PRRC2B: variants seen among roughly 807,000 people sequenced by gnomAD.
The protein encoded by PRRC2B is proline rich coiled-coil 2B.
PRRC2B carries 68 observed loss-of-function variants against 242.3 expected under a neutral mutation model. The observed-to-expected ratio is 0.28, with a 90% CI of 0.23 to 0.34. PRRC2B has a LOEUF of 0.34. PRRC2B is among the 10% of genes least tolerant of loss of function. The pLI is 1.00. For synonymous variants in PRRC2B, 1,228 were observed against 1,173.6 expected (o/e 1.05, Z -0.95); for missense variants, 2,835 against 2,954.8 (o/e 0.96, Z 0.94).
Position 131,427,345 on chromosome 9 carries a change from T to TGTG in PRRC2B, c.-51-2749_-51-2748insGTG, listed in dbSNP as rs58302071. 3.1e-3 allele frequency among the ~76,000 whole-genome samples: 477 copies of TGTG among 151,448 alleles called. 1 individual carries two copies. Among genetic ancestry groups the TGTG allele is most frequent in the African/African-American group, 9.8e-3 (405 of 41,368 alleles). ...AATATAGTTGTGTGTGTGTGTGTGT[T>TGTG]TTTTTGATGGAGTCTTGCTCTGTTG... On this transcript the variant is annotated intron_variant, in intron 1 of 31. Coordinates refer to ENST00000683519, the MANE Select transcript of PRRC2B (RefSeq NM_013318.4).
chr9:131,410,311 G>C (rs369539047), intron 1 of PRRC2B, among the ~76,000 whole-genome samples: 3 of 152,212 alleles, frequency 2.0e-5, no homozygotes, highest in African/African-American at 7.2e-5. Flanking sequence ...GACTCTGGGG[G>C]TGTGGGATGC....
intron 10 of PRRC2B, among the ~76,000 whole-genome samples, chr9:131,457,826 C>G (rs1463267125): frequency 6.6e-6 from 1 of 152,102 alleles, no homozygotes; most frequent in South Asian, 2.1e-4. Context: ...TAGGAATCAC[C>G]GTTGTCCCCT....
chr9:131,486,312 A>C (rs954246323), intron 26 of PRRC2B, 130 bp downstream of exon 26: 7 of 836,534 alleles, frequency 8.4e-6, no homozygotes. Context: ...GGTGACCAGC[A>C]CCTGGCCCGC....
Position 131,495,892 on chromosome 9 carries a change from C to G in PRRC2B, c.*18C>G. ...AGGCCTGACAGTGCCTGGCTGCCAC[C>G]TCGCCTCTCCCTACTGAGGACGGTG... is the stretch of plus-strand genomic sequence containing the variant. On this transcript the variant is annotated 3_prime_UTR_variant, in exon 32 of 32. Transcript: ENST00000683519. The G allele has an allele frequency of 6.3e-7, 1 of 1,597,064 alleles. No homozygotes were observed. Among genetic ancestry groups the G allele is most frequent in the Non-Finnish European group, 8.6e-7 (1 of 1,167,296 alleles).
intron 16 of PRRC2B, 32 bp downstream of exon 16, chr9:131,476,567 TTGTTG>T (rs1943706451): frequency 6.5e-7 from 1 of 1,544,244 alleles, no homozygotes; most frequent in Non-Finnish European, 8.7e-7. Flanking sequence ...GCCCTTTTTG[TTGTTG>T]TGTTCTGTTC....
rs528406770 is a variant in PRRC2B, at chr9:131,430,347, A to T, written c.115+88A>T. On this transcript the variant is annotated intron_variant, in intron 2 of 31. Transcript: ENST00000683519. ...CAGAGTCCCTCACCTGGTTAGACAG[A>T]TGTGGTCCGTGCACACCAGGCTTCT... 5 of 775,082 alleles carry T rather than the reference A, an allele frequency of 6.5e-6. No individual in the cohort carries two copies. In the African/African-American group the frequency reaches 6.9e-5, roughly 11 times the overall value. The allele number at this position is 775,082 out of a possible 1,614,324, so 48.0% of individuals were successfully genotyped here. A position where few individuals can be genotyped will look rare whatever the true frequency, so the allele number is the denominator to read the frequency against.
chr9:131,467,526 G>A, intron 12 of PRRC2B, 37 bp from the exon 13 acceptor site: 1 of 1,516,104 alleles, frequency 6.6e-7, no homozygotes, highest in South Asian at 1.2e-5. Flanking sequence ...GCTTCTGTGA[G>A]CTCACTGTGT....
At chr9:131,489,291 A>G (rs1021040085) in intron 28 of PRRC2B, among the ~76,000 whole-genome samples, 3 of 151,502 alleles carry the variant, frequency 2.0e-5, no homozygotes, top group Non-Finnish European at 2.9e-5. Context: ...GGTTCAAGCA[A>G]TTATCGTGCC....
At chr9:131,481,844 A>G in intron 20 of PRRC2B, 36 bp downstream of exon 20, 1 of 1,522,134 alleles carries the variant, frequency 6.6e-7, no homozygotes, top group Non-Finnish European at 8.9e-7. Context: ...TGCCCCTGGG[A>G]TGAGTGTGTG....
In PRRC2B at chr9:131,464,974, C is replaced by T; in HGVS notation, c.1616C>T (p.Ala539Val). The change falls in exon 12 of 32, where the codon GCA (alanine) becomes GTA (valine). Residue 539 changes from alanine (A) to valine (V), a missense_variant. By Grantham distance (64) the Ala-to-Val change is moderately conservative. Transcript: ENST00000683519. ...CAGCTGGACCAGAAGTGTAAGCAGG[C>T]ACGAAAGGCAGGTGAGGCCCGGAAG... ...LKQLDQKCKQARKAGEARKQA... is the reference protein window; with the variant it reads ...LKQLDQKCKQVRKAGEARKQA... The T allele has an allele frequency of 6.2e-7, 1 of 1,613,942 alleles. No homozygotes were observed. Among genetic ancestry groups the T allele is most frequent in the Non-Finnish European group, 8.5e-7 (1 of 1,179,884 alleles).
intron 2 of PRRC2B, among the ~76,000 whole-genome samples, chr9:131,432,400 C>T (rs1423248466): frequency 3.9e-5 from 6 of 152,198 alleles, no homozygotes; most frequent in African/African-American, 1.4e-4. Context: ...CAGGTTTTAG[C>T]AGCTCCTTTG....
chr9:131,432,685 A>C lies in PRRC2B; in HGVS notation c.184A>C (p.Asn62His), dbSNP rs749888982. ...AAARRMPPPA[N>H]LPSLKSENKG... is the part of the protein sequence containing the mutation. ...AGCCCGGCGCATGCCACCGCCTGCAAACCTGCCAAGCTTGAAGTCTGAAAA... is the reference window on the plus strand; with the variant it reads ...AGCCCGGCGCATGCCACCGCCTGCACACCTGCCAAGCTTGAAGTCTGAAAA... The change falls in exon 3 of 32, where the codon AAC (asparagine) becomes CAC (histidine). Residue 62 changes from asparagine to histidine, a missense_variant. Physicochemically the swap from Asn to His is moderately conservative, Grantham distance 68. Coordinates refer to ENST00000683519, the MANE Select transcript of PRRC2B (RefSeq NM_013318.4). 1 of 1,614,060 alleles carries C rather than the reference A, an allele frequency of 6.2e-7. No homozygotes were observed. Among genetic ancestry groups the C allele is most frequent in the East Asian group, 2.2e-5 (1 of 44,888 alleles).
At chr9:131,391,627 T>A (rs1170457435), upstream of PRRC2B, among the ~76,000 whole-genome samples, 1 of 152,194 alleles carries the variant, frequency 6.6e-6, no homozygotes, top group African/African-American at 2.4e-5. Flanking sequence ...CACACTAGTG[T>A]CTGTTTTATG....
chr9:131,401,179 TGTG>T (rs1180034886), intron 1 of PRRC2B, among the ~76,000 whole-genome samples: 1 of 152,120 alleles, frequency 6.6e-6, no homozygotes, highest in African/African-American at 2.4e-5. Context: ...TTTTAAAAAT[TGTG>T]GTGAAGTATA....
In PRRC2B at chr9:131,477,794, G is replaced by A. The variant is rs1588275758; in HGVS notation, c.4457G>A (p.Ser1486Asn). 1.2e-6 allele frequency: 2 copies of A among 1,611,560 alleles called. No homozygotes were observed. Among genetic ancestry groups the A allele is most frequent in the Non-Finnish European group, 1.7e-6 (2 of 1,179,150 alleles). Residue 1486 changes from serine to asparagine, a missense_variant, in exon 17 of 32, where the codon AGT becomes AAT. Transcript: ENST00000683519. ...GGTCTTAGTGGCTGCAGCAGTGGGAGTGGCCACTCCCCCTATGCCCTGGAG... is the reference window on the plus strand; with the variant it reads ...GGTCTTAGTGGCTGCAGCAGTGGGAATGGCCACTCCCCCTATGCCCTGGAG... The part of the protein sequence containing the change: ...PGGLSGCSSG[S>N]GHSPYALERA...
intron 28 of PRRC2B, 118 bp from the exon 29 acceptor site, chr9:131,491,307 T>A: frequency 9.6e-7 from 1 of 1,039,076 alleles, no homozygotes; most frequent in Non-Finnish European, 1.4e-6. Flanking sequence ...TTATGCAGGC[T>A]TTGCTTTAGT....
At chr9:131,467,431 A>AG (rs1381341145) in intron 12 of PRRC2B, 132 bp from the exon 13 acceptor site, 1 of 773,170 alleles carries the variant, frequency 1.3e-6, no homozygotes, top group Admixed American at 2.9e-5. Context: ...GCACAGGGCC[A>AG]GGGTTCAGGG....
chr9:131,437,888 T>C (rs1838426452), intron 4 of PRRC2B, among the ~76,000 whole-genome samples: 2 of 152,220 alleles, frequency 1.3e-5, no homozygotes, highest in South Asian at 4.1e-4. Context: ...CTCTGAAGCC[T>C]GTTCAAGATG....
intron 2 of PRRC2B, among the ~76,000 whole-genome samples, chr9:131,431,870 G>A (rs1838185400): frequency 1.3e-5 from 2 of 152,194 alleles, no homozygotes; most frequent in Non-Finnish European, 2.9e-5. Context: ...ACAGGCATGA[G>A]CCACCGCGCC....
Sources: allele counts gnomAD v4.1 joint callset (sites outside exome capture counted in the v4.1 genomes callset), GRCh38; gene constraint gnomAD v4.1.1; transcripts MANE v1.5; gene names NCBI Gene and HGNC (gene_info 2026-07-23, HGNC 2026-07-21).